The following KCTD14 variants were observed in gnomAD, a reference collection of about 807,000 sequenced individuals.
KCTD14 encodes potassium channel tetramerization domain containing 14.
KCTD14 carries 7 observed loss-of-function variants against 5.9 expected under a neutral mutation model. The ratio of observed to expected loss-of-function variants is 1.19; its 90% CI spans 0.68 to 2.23. The LOEUF is 2.23. KCTD14 is among the 30% of genes most tolerant of loss of function. The probability of loss-of-function intolerance (pLI) is 0.00; values close to 1 mark genes in which losing one functional copy is unlikely to be tolerated. For synonymous variants in KCTD14, 140 were observed against 133.1 expected (o/e 1.05, Z -0.36); for missense variants, 342 against 332.2 (o/e 1.03, Z -0.23).
At position 78,041,681 on chromosome 11, in the gene KCTD14, C is replaced by T. The variant is rs182667476; in HGVS notation, c.-95-2923G>A. On this transcript the variant is annotated intron_variant, in intron 1 of 2. Coordinates refer to the KCTD14 transcript ENST00000533144. ...CTCTTCTGGTCCATGTTTGTTACGG[C>T]TCGAGCTGAGCTTTCGCTCACCATC... 3.9e-5 allele frequency among the ~76,000 whole-genome samples: 6 copies of T among 152,354 alleles called. No individual in the cohort carries two copies. The East Asian group carries it at 1.2e-3, about 29-fold the overall frequency.
At chr11:78,033,906 T>TATATATATATATATAG in intron 2 of KCTD14, among the ~76,000 whole-genome samples, 1 of 145,968 alleles carries the variant, frequency 6.9e-6, no homozygotes, top group Non-Finnish European at 1.5e-5. Flanking sequence ...TGTGTGTATA[T>TATATATATATATATAG]ATATATATAC....
At chr11:78,046,112 T>C in exon 1 of KCTD14, 1 of 985,220 alleles carries the variant, frequency 1.0e-6, no homozygotes, top group Non-Finnish European at 1.2e-6. Context: ...CTGCCGAGAT[T>C]TCCCCCAGAA....
At chr11:78,026,299 T>C (rs1187315366), upstream of KCTD14, among the ~76,000 whole-genome samples, 2 of 151,926 alleles carry the variant, frequency 1.3e-5, no homozygotes, top group African/African-American at 2.4e-5. Flanking sequence ...TAGCCGGGCA[T>C]GGTGGTGCGT....
chr11:78,022,691 G>GGGCA (rs1170152925), intron 1 of KCTD14, among the ~76,000 whole-genome samples: 2 of 152,058 alleles, frequency 1.3e-5, no homozygotes, highest in Non-Finnish European at 2.9e-5. Context: ...CCCAGCCAGA[G>GGGCA]GGCAGGGGCA....
At chr11:78,023,541 G>A (rs1268110498), upstream of KCTD14, 6 of 387,690 alleles carry the variant, frequency 1.5e-5, no homozygotes, top group South Asian at 1.4e-4. Context: ...CAGAGACAGG[G>A]TCTCACTCTA....
chr11:78,016,596 C>T lies in KCTD14; in HGVS notation c.765G>A (p.Trp255Ter). The change falls in exon 2 of 2, where the codon TGG (tryptophan) becomes TGA (stop). Residue 255 changes from tryptophan to a stop codon, truncating the protein, a stop_gained. Transcript: ENST00000353172. LOFTEE classifies it high-confidence loss of function. Reference sequence around the variant, plus strand: ...TAACAGTCTCTGCTCCTGAGGATCACCACCAGGTGAAGGTGAATGAATAAA... The same window carrying T: ...TAACAGTCTCTGCTCCTGAGGATCATCACCAGGTGAAGGTGAATGAATAAA... The part of the protein sequence containing the change: ...FNIYSFTFTW[W>*] 1 of 1,611,266 alleles carries T rather than the reference C, an allele frequency of 6.2e-7. No individual in the cohort carries two copies. The highest frequency in any genetic ancestry group is 8.5e-7 in the Non-Finnish European group (1 of 1,177,562).
upstream of KCTD14, among the ~76,000 whole-genome samples, chr11:78,024,214 G>A (rs1169044534): frequency 1.3e-5 from 2 of 151,490 alleles, no homozygotes; most frequent in African/African-American, 2.4e-5. Context: ...GTGAAACCCC[G>A]TCTCTACTGA....
chr11:78,041,387 C>T (rs920283080), intron 1 of KCTD14, among the ~76,000 whole-genome samples: 2 of 152,094 alleles, frequency 1.3e-5, no homozygotes, highest in African/African-American at 4.8e-5. Flanking sequence ...GGAAGGTGAC[C>T]GCTTCCACCT....
At position 78,016,537 on chromosome 11, in the gene KCTD14, CA is replaced by C. The variant is rs1033917372; in HGVS notation, c.*55del. The C allele has an allele frequency of 6.8e-7, 1 of 1,476,730 alleles. No homozygotes were observed. Among genetic ancestry groups the C allele is most frequent in the African/African-American group, 1.4e-5 (1 of 71,122 alleles). The allele number at this position is 1,476,730 out of a possible 1,614,324, so 91.5% of individuals were successfully genotyped here. A position where few individuals can be genotyped will look rare whatever the true frequency, so the allele number is the denominator to read the frequency against. Reference sequence around the variant, plus strand: ...AATTAAAAGAAAATGGCTTTGATGGCAACTTTTAATTTCATAAGCCACGCCA... The same window carrying C: ...AATTAAAAGAAAATGGCTTTGATGGCACTTTTAATTTCATAAGCCACGCCA... On this transcript the variant is annotated 3_prime_UTR_variant, in exon 2 of 2. Coordinates refer to ENST00000353172, the MANE Select transcript of KCTD14 (RefSeq NM_023930.4).
At position 78,017,226 on chromosome 11, in the gene KCTD14, G is replaced by T; in HGVS notation, c.135C>A (p.Thr45=). ...ACTTCCTCAGGGTACCCAGGGTGGT[G>T]GTGTGGAACTCACCCCCGACGTTCA... ...VELNVGGEFH[T]TTLGTLRKFP... The change falls in exon 2 of 2, where the codon ACC becomes ACA. Residue 45 remains threonine (T), a synonymous_variant. Coordinates refer to ENST00000353172, the MANE Select transcript of KCTD14 (RefSeq NM_023930.4). 2 of 1,609,744 alleles carry T rather than the reference G, an allele frequency of 1.2e-6. No homozygotes were observed. The highest frequency in any genetic ancestry group is 1.7e-6 in the Non-Finnish European group (2 of 1,176,482).
At chr11:78,032,903 A>G (rs1259773732) in intron 2 of KCTD14, among the ~76,000 whole-genome samples, 1 of 151,766 alleles carries the variant, frequency 6.6e-6, no homozygotes, top group Non-Finnish European at 1.5e-5. Flanking sequence ...GCTGGTCTCA[A>G]ACTCCTAGGT....
intron 1 of KCTD14, among the ~76,000 whole-genome samples, chr11:78,021,283 G>A (rs529412702): frequency 1.1e-3 from 132 of 116,246 alleles, no homozygotes; most frequent in Non-Finnish European, 1.2e-3. Context: ...AGGTGACAGA[G>A]GGAGACCCTG....
chr11:78,034,983 A>T (rs1039189140), intron 2 of KCTD14, among the ~76,000 whole-genome samples: 1 of 152,206 alleles, frequency 6.6e-6, no homozygotes. Context: ...ACAAAGGAAC[A>T]TAGAACTAAG....
chr11:78,043,547 G>A (rs1858050514), intron 1 of KCTD14, among the ~76,000 whole-genome samples: 1 of 152,190 alleles, frequency 6.6e-6, no homozygotes, highest in South Asian at 2.1e-4. Context: ...CTGAGACAGA[G>A]GGAATGCCAA....
At chr11:78,044,930 G>T (rs1435625874) in intron 1 of KCTD14, among the ~76,000 whole-genome samples, 1 of 152,136 alleles carries the variant, frequency 6.6e-6, no homozygotes, top group African/African-American at 2.4e-5. Flanking sequence ...ATGCACAGTG[G>T]CCTGCCAGCA....
At chr11:78,036,325 T>C (rs11820439) in intron 2 of KCTD14, among the ~76,000 whole-genome samples, 20 of 152,354 alleles carry the variant, frequency 1.3e-4, no homozygotes, top group African/African-American at 4.8e-4. Flanking sequence ...AGTCTCAAAC[T>C]GGGACAAGAG....
In KCTD14 at chr11:78,017,376, G is replaced by T. The variant is rs776755517; in HGVS notation, c.91-106C>A. On this transcript the variant is annotated intron_variant, in intron 1 of 1. Transcript: ENST00000353172. The stretch of plus-strand genomic sequence containing the variant: ...ATAAAAAACTTAGGGGAGCCATAAT[G>T]ATTGGCTTCAGCTAGTGAAAGGCCC... The T allele has an allele frequency of 3.7e-5, 51 of 1,373,834 alleles. No individual in the cohort carries two copies. The South Asian group carries it at 7.8e-4, about 21-fold the overall frequency. The allele number at this position is 1,373,834 out of a possible 1,614,324, so 85.1% of individuals were successfully genotyped here. A position where few individuals can be genotyped will look rare whatever the true frequency, so the allele number is the denominator to read the frequency against.
chr11:78,033,889 A>ACG (rs1857707902), intron 2 of KCTD14, among the ~76,000 whole-genome samples: 2 of 110,186 alleles, frequency 1.8e-5, no homozygotes, highest in Non-Finnish European at 3.3e-5. Flanking sequence ...GTGTGTGTGT[A>ACG]TGTGTGTGTG....
intron 1 of KCTD14, 127 bp from the exon 2 acceptor site, chr11:78,017,397 G>A: frequency 1.6e-6 from 2 of 1,246,284 alleles, no homozygotes; most frequent in Non-Finnish European, 2.1e-6. Context: ...GCTAGTGAAA[G>A]GCCCATCTTA....
Sources: allele counts gnomAD v4.1 joint callset (sites outside exome capture counted in the v4.1 genomes callset), GRCh38; gene constraint gnomAD v4.1.1; transcripts MANE v1.5; gene names NCBI Gene and HGNC (gene_info 2026-07-23, HGNC 2026-07-21).